The following CSMD3 variants were observed in gnomAD, a reference collection of about 807,000 sequenced individuals.
CSMD3 encodes the protein CUB and sushi domain-containing protein 3.
Under a neutral mutation model 435.2 loss-of-function variants are expected in CSMD3, and 177 were observed. The observed-to-expected ratio is 0.41, with a 90% CI of 0.36 to 0.46. The LOEUF (loss-of-function observed/expected upper bound fraction) is 0.46. CSMD3 is among the 20% of genes least tolerant of loss of function. The probability of loss-of-function intolerance (pLI) is 0.34; values close to 1 mark genes in which losing one functional copy is unlikely to be tolerated. For missense variants in CSMD3, 4,265 were observed against 4,504.6 expected, an observed-to-expected ratio of 0.95 and a Z score of 1.52; for synonymous variants, 1,656 against 1,520.5, an observed-to-expected ratio of 1.09 and a Z score of -2.07.
At chr8:112,524,123 C>T (rs969668562) in intron 27 of CSMD3, among the ~76,000 whole-genome samples, 5 of 151,950 alleles carry the variant, frequency 3.3e-5, no homozygotes, top group Non-Finnish European at 5.9e-5. Flanking sequence ...GATTCTTATG[C>T]TCCAGTATGC....
chr8:113,178,902 T>C (rs1431661261), intron 3 of CSMD3, among the ~76,000 whole-genome samples: 14 of 151,894 alleles, frequency 9.2e-5, no homozygotes, highest in Admixed American at 9.2e-4. Context: ...GGCTCATAAA[T>C]ATGAAGGAGA....
chr8:113,377,213 A>C (rs1487290893), intron 1 of CSMD3: 18 of 1,024,102 alleles, frequency 1.8e-5, no homozygotes, highest in Admixed American at 1.0e-4. Flanking sequence ...CGAGCGCGCG[A>C]GAGACCGAAG....
intron 22 of CSMD3, among the ~76,000 whole-genome samples, chr8:112,599,469 C>T (rs1447886273): frequency 6.6e-6 from 1 of 150,788 alleles, no homozygotes; most frequent in African/African-American, 2.4e-5. Context: ...GGCGATTCCT[C>T]AGGGATCTAG....
chr8:112,998,140 A>G (rs1403875939), intron 6 of CSMD3, among the ~76,000 whole-genome samples: 1 of 151,836 alleles, frequency 6.6e-6, no homozygotes, highest in East Asian at 1.9e-4. Context: ...CCACATTGAA[A>G]TATAGCCTTG....
At position 112,228,935 on chromosome 8, in the gene CSMD3, ATAAT is replaced by A. The variant is rs753986538; in HGVS notation, c.10829-48_10829-45del. 46 of 1,058,934 alleles carry A rather than the reference ATAAT, an allele frequency of 4.3e-5. No individual in the cohort carries two copies. The South Asian group carries it at 5.6e-4, about 13-fold the overall frequency. 65.6% of individuals were successfully genotyped at this position (1,058,934 alleles called of 1,614,324 possible). ...ATTATAAATACACAACTCTTTTATCATAATTAATTTCTACTCCCATGAATCAATT... is the reference window on the plus strand; with the variant it reads ...ATTATAAATACACAACTCTTTTATCATAATTTCTACTCCCATGAATCAATT... On this transcript the variant is annotated intron_variant, in intron 69 of 70. Coordinates refer to ENST00000297405, the MANE Select transcript of CSMD3 (RefSeq NM_198123.2).
chr8:113,013,454 T>A lies in CSMD3; in HGVS notation c.1030+5613A>T, dbSNP rs541681537. Among the ~76,000 whole-genome samples, 4 of 152,196 alleles carry A rather than the reference T, an allele frequency of 2.6e-5. No individual in the cohort carries two copies. In the East Asian group the frequency reaches 7.7e-4, roughly 29 times the overall value. ...AATGTCTTACTTATACTATAAGAAA[T>A]CTTTAGAGAACAAATGAGATCGGGC... On this transcript the variant is annotated intron_variant, in intron 6 of 70. Coordinates refer to ENST00000297405, the MANE Select transcript of CSMD3 (RefSeq NM_198123.2).
At chr8:112,928,518 A>G (rs1215027178) in intron 9 of CSMD3, among the ~76,000 whole-genome samples, 2 of 152,020 alleles carry the variant, frequency 1.3e-5, no homozygotes, top group Non-Finnish European at 2.9e-5. Context: ...ATTCCCACCT[A>G]TGAGTGAGAA....
intron 1 of CSMD3, among the ~76,000 whole-genome samples, chr8:113,386,427 C>T (rs1480325521): frequency 1.3e-5 from 2 of 151,786 alleles, no homozygotes; most frequent in Non-Finnish European, 2.9e-5. Flanking sequence ...TTAGTTGATG[C>T]ATAAAGACAA....
chr8:112,532,219 T>C (rs1825612249), intron 27 of CSMD3, among the ~76,000 whole-genome samples: 1 of 151,854 alleles, frequency 6.6e-6, no homozygotes, highest in African/African-American at 2.4e-5. Flanking sequence ...TTACGAGATT[T>C]AGAAAATGGC....
intron 13 of CSMD3, among the ~76,000 whole-genome samples, chr8:112,782,033 C>T (rs192181554): frequency 3.0e-4 from 46 of 152,254 alleles, no homozygotes; most frequent in Admixed American, 3.0e-3. Context: ...AATGCCCAGG[C>T]ATCTACGAAC....
chr8:112,744,184 C>CT (rs1211793533), intron 13 of CSMD3, among the ~76,000 whole-genome samples: 2 of 152,068 alleles, frequency 1.3e-5, no homozygotes, highest in African/African-American at 4.8e-5. Context: ...AGCTCTGTCT[C>CT]TGTTATATTG....
At chr8:113,404,745 C>T (rs987649300) in intron 1 of CSMD3, among the ~76,000 whole-genome samples, 1 of 151,104 alleles carries the variant, frequency 6.6e-6, no homozygotes, top group Non-Finnish European at 1.5e-5. Context: ...TATGGCATAA[C>T]CATTTTAAGG....
Position 112,763,695 on chromosome 8 carries a change from AT to A in CSMD3, c.1972+36466del, listed in dbSNP as rs963600865. Among the ~76,000 whole-genome samples, 25 of 149,328 alleles carry A rather than the reference AT, an allele frequency of 1.7e-4. No homozygotes were observed. In the East Asian group the frequency reaches 3.7e-3, roughly 22 times the overall value. ...AAAGAAAATGGAGTTTGCTATTATA[AT>A]TTTTTTTTATTTTATTTATTGAGCT... On this transcript the variant is annotated intron_variant, in intron 13 of 70. Transcript: ENST00000297405.
At chr8:113,394,098 A>G (rs1198684150) in intron 1 of CSMD3, among the ~76,000 whole-genome samples, 1 of 151,880 alleles carries the variant, frequency 6.6e-6, no homozygotes, top group Admixed American at 6.6e-5. Context: ...GTTGGCAAGT[A>G]CAAGTATAGT....
chr8:113,260,870 C>T (rs1218074394), intron 3 of CSMD3, among the ~76,000 whole-genome samples: 1 of 152,104 alleles, frequency 6.6e-6, no homozygotes, highest in Non-Finnish European at 1.5e-5. Context: ...TGATGGCTTC[C>T]AGCTTCATCC....
intron 13 of CSMD3, among the ~76,000 whole-genome samples, chr8:112,795,609 A>G (rs1305340920): frequency 1.3e-5 from 2 of 152,144 alleles, no homozygotes; most frequent in African/African-American, 4.8e-5. Flanking sequence ...AAAAATTATA[A>G]GATTGAGGAT....
At chr8:113,234,107 G>A (rs879334439) in intron 3 of CSMD3, among the ~76,000 whole-genome samples, 6 of 152,062 alleles carry the variant, frequency 3.9e-5, no homozygotes, top group South Asian at 2.1e-4. Flanking sequence ...AGATAGTTCC[G>A]AATAAAGGCA....
intron 13 of CSMD3, among the ~76,000 whole-genome samples, chr8:112,798,168 C>T (rs1363014974): frequency 6.6e-6 from 1 of 151,710 alleles, no homozygotes; most frequent in African/African-American, 2.4e-5. Flanking sequence ...CGAGAAGGTG[C>T]TAAGTTAAAA....
chr8:112,387,059 C>T (rs1393473399), intron 36 of CSMD3, among the ~76,000 whole-genome samples: 1 of 152,124 alleles, frequency 6.6e-6, no homozygotes, highest in East Asian at 1.9e-4. Flanking sequence ...TTTCCCTTTT[C>T]TTGATGGCTA....
Sources: gnomAD v4.1 joint callset for allele counts (sites outside exome capture counted in the v4.1 genomes callset) on GRCh38, gnomAD v4.1.1 for gene constraint, MANE v1.5 for transcripts, NCBI Gene and HGNC (gene_info 2026-07-23, HGNC 2026-07-21) for gene names.